Variants in CPNE8 observed in about 807,000 individuals in gnomAD.
CPNE8 encodes copine 8, also known as copine-8.
A neutral mutation model predicts 81.5 loss-of-function variants in CPNE8; 45 were observed. That is an observed-to-expected ratio of 0.55 (90% CI 0.44 to 0.71). The LOEUF (loss-of-function observed/expected upper bound fraction) is 0.71. Ranked by LOEUF, CPNE8 falls within the 30% of genes least tolerant of loss-of-function variation. The pLI is 0.00. For synonymous variants in CPNE8, 252 were observed against 226.3 expected, an observed-to-expected ratio of 1.11 and a Z score of -1.02; for missense variants, 594 against 672.1, an observed-to-expected ratio of 0.88 and a Z score of 1.28.
At chr12:38,676,321 G>A (rs1043781433) in intron 17 of CPNE8, 2 of 984,580 alleles carry the variant, frequency 2.0e-6, no homozygotes, top group African/African-American at 3.5e-5. Flanking sequence ...CTTCGGAAAT[G>A]ACCAGCCCTG....
intron 6 of CPNE8, among the ~76,000 whole-genome samples, chr12:38,800,222 A>T: frequency 1.2e-5 from 1 of 84,672 alleles, no homozygotes; most frequent in East Asian, 3.0e-4. Flanking sequence ...ACAAACAAAA[A>T]GACAGCAGTA....
Position 38,785,656 on chromosome 12 carries a change from A to G in CPNE8, c.408-9355T>C, listed in dbSNP as rs1048024489. Among the ~76,000 whole-genome samples, 11 of 152,184 alleles carry G rather than the reference A, an allele frequency of 7.2e-5. No homozygotes were observed. In the South Asian group the frequency reaches 1.4e-3, roughly 20 times the overall value. ...CCACGTGGAACTATGAGTCAATTAA[A>G]CTTCTTTCCTTTATAATTTACTCAA... On this transcript the variant is annotated intron_variant, in intron 6 of 19. Coordinates refer to ENST00000331366, the MANE Select transcript of CPNE8 (RefSeq NM_153634.3).
intron 6 of CPNE8, among the ~76,000 whole-genome samples, chr12:38,783,889 G>A (rs80107405): frequency 0.034 from 5,138 of 152,234 alleles, 272 homozygotes; most frequent in East Asian, 0.19. Flanking sequence ...GTCTTGCCAA[G>A]AAGAATGGGT....
At chr12:38,729,688 T>G (rs1940787312) in intron 11 of CPNE8, among the ~76,000 whole-genome samples, 1 of 152,050 alleles carries the variant, frequency 6.6e-6, no homozygotes, top group African/African-American at 2.4e-5. Flanking sequence ...ATTTTAAAGT[T>G]AAAGGAAATG....
At chr12:38,765,223 A>G (rs1449867469) in intron 8 of CPNE8, among the ~76,000 whole-genome samples, 1 of 152,222 alleles carries the variant, frequency 6.6e-6, no homozygotes, top group African/African-American at 2.4e-5. Flanking sequence ...TTCTGCCAGG[A>G]GTCCAATGTA....
Position 38,902,521 on chromosome 12 carries a change from G to T in CPNE8, c.98+2916C>A, listed in dbSNP as rs138273045. Among the ~76,000 whole-genome samples the T allele has an allele frequency of 3.1e-3, 470 of 152,230 alleles. 6 individuals carry two copies. Among genetic ancestry groups the T allele is most frequent in the African/African-American group, 0.011 (437 of 41,488 alleles). On this transcript the variant is annotated intron_variant, in intron 1 of 19. Transcript: ENST00000331366. ...CTTTTGAAGTGTGGGCAAATCCTCA[G>T]AAGTCTCTGGTATAGTAAGGCAAGG...
intron 3 of CPNE8, among the ~76,000 whole-genome samples, chr12:38,862,839 C>T (rs1258098227): frequency 6.6e-6 from 1 of 152,132 alleles, no homozygotes; most frequent in Non-Finnish European, 1.5e-5. Context: ...GTCCCAGCTT[C>T]TTGGGAGGCT....
At chr12:38,807,797 C>A (rs1212758621) in intron 6 of CPNE8, among the ~76,000 whole-genome samples, 1 of 151,718 alleles carries the variant, frequency 6.6e-6, no homozygotes, top group African/African-American at 2.4e-5. Flanking sequence ...AAAGAAACTG[C>A]CATCAGAGTG....
chr12:38,781,316 G>A (rs1942048373), intron 6 of CPNE8, among the ~76,000 whole-genome samples: 1 of 151,934 alleles, frequency 6.6e-6, no homozygotes, highest in South Asian at 2.1e-4. Flanking sequence ...TGATGTAAAT[G>A]TAAATGAACT....
intron 6 of CPNE8, among the ~76,000 whole-genome samples, chr12:38,803,314 C>T (rs920669044): frequency 9.9e-5 from 7 of 70,390 alleles, no homozygotes; most frequent in African/African-American, 2.5e-4. Context: ...CCACCATGAT[C>T]AAGTGGGCTT....
chr12:38,857,702 G>C (rs1200174279), intron 3 of CPNE8, among the ~76,000 whole-genome samples: 1 of 152,142 alleles, frequency 6.6e-6, no homozygotes, highest in Non-Finnish European at 1.5e-5. Flanking sequence ...CACGAGGTCA[G>C]GAGTTCAAGA....
At chr12:38,751,968 T>C (rs958337147) in intron 10 of CPNE8, among the ~76,000 whole-genome samples, 1 of 152,224 alleles carries the variant, frequency 6.6e-6, no homozygotes, top group Non-Finnish European at 1.5e-5. Context: ...TTTCAGTATC[T>C]GTTTACTTTT....
chr12:38,676,114 T>A (rs1473657189), intron 17 of CPNE8: 19 of 270,852 alleles, frequency 7.0e-5, no homozygotes, highest in African/African-American at 1.5e-4. Flanking sequence ...AGAGCCTGTC[T>A]AAAAAAAAAA....
intron 6 of CPNE8, among the ~76,000 whole-genome samples, chr12:38,808,918 T>G (rs937166233): frequency 6.6e-6 from 1 of 152,034 alleles, no homozygotes; most frequent in Non-Finnish European, 1.5e-5. Context: ...AGCACGCTAG[T>G]AAACAGGTAA....
At chr12:38,716,347 A>T (rs552117062) in intron 13 of CPNE8, among the ~76,000 whole-genome samples, 3 of 152,106 alleles carry the variant, frequency 2.0e-5, no homozygotes, top group Non-Finnish European at 4.4e-5. Context: ...TTAAATAAAC[A>T]CTAAGCAAAA....
At chr12:38,757,888 T>C (rs942886517) in intron 10 of CPNE8, among the ~76,000 whole-genome samples, 29 of 152,060 alleles carry the variant, frequency 1.9e-4, no homozygotes, top group African/African-American at 7.0e-4. Context: ...TTATTTTCAG[T>C]CTTTAACTCC....
intron 1 of CPNE8, among the ~76,000 whole-genome samples, chr12:38,904,476 T>G (rs954765969): frequency 2.4e-4 from 36 of 150,776 alleles, no homozygotes; most frequent in Non-Finnish European, 2.5e-4. Context: ...TTTTGTTTTT[T>G]TTTTTTTTTT....
chr12:38,849,760 A>T (rs1259117686), intron 3 of CPNE8, among the ~76,000 whole-genome samples: 1 of 152,202 alleles, frequency 6.6e-6, no homozygotes, highest in East Asian at 1.9e-4. Flanking sequence ...CCACGTCACT[A>T]ATTCAACATT....
At chr12:38,834,013 G>A (rs1394112365) in intron 5 of CPNE8, among the ~76,000 whole-genome samples, 3 of 152,114 alleles carry the variant, frequency 2.0e-5, no homozygotes, top group African/African-American at 4.8e-5. Context: ...AGAGCAGGGT[G>A]AGCAATGATG....
Sources: gnomAD v4.1 joint callset for allele counts (sites outside exome capture counted in the v4.1 genomes callset) on GRCh38, gnomAD v4.1.1 for gene constraint, MANE v1.5 for transcripts, NCBI Gene and HGNC (gene_info 2026-07-23, HGNC 2026-07-21) for gene names.